The following SORCS2 variants were observed in gnomAD, a reference collection of about 807,000 sequenced individuals.
The protein encoded by SORCS2 is sortilin related VPS10 domain containing receptor 2, also known as VPS10 domain-containing receptor SorCS2.
Under a neutral mutation model 141.6 loss-of-function variants are expected in SORCS2, and 100 were observed. The ratio of observed to expected loss-of-function variants is 0.71; its 90% CI spans 0.60 to 0.83. The LOEUF is 0.83. Among genes scored for constraint, SORCS2 ranks in the 40% least tolerant of loss-of-function variants. The pLI is 0.00. For missense variants in SORCS2, 1,646 were observed against 1,560.2 expected (o/e 1.05, Z -0.93); for synonymous variants, 789 against 676.9 (o/e 1.17, Z -2.57).
At chr4:7,503,074 A>G (rs986375246) in intron 2 of SORCS2, among the ~76,000 whole-genome samples, 2 of 152,222 alleles carry the variant, frequency 1.3e-5, no homozygotes, top group Non-Finnish European at 2.9e-5. Context: ...CCGGGAGCAC[A>G]GGTGCACAGG....
At chr4:7,512,632 A>G (rs1305329014) in intron 2 of SORCS2, among the ~76,000 whole-genome samples, 1 of 151,940 alleles carries the variant, frequency 6.6e-6, no homozygotes, top group Non-Finnish European at 1.5e-5. Context: ...TTCAACAGGC[A>G]GGACAGCAGA....
chr4:7,627,891 C>T (rs149343334), intron 3 of SORCS2, among the ~76,000 whole-genome samples: 67 of 152,344 alleles, frequency 4.4e-4, no homozygotes, highest in Admixed American at 1.2e-3. Flanking sequence ...ACATAGTAGA[C>T]ACTGCAAGTA....
At chr4:7,258,461 C>T (rs142507947) in intron 1 of SORCS2, among the ~76,000 whole-genome samples, 1 of 152,190 alleles carries the variant, frequency 6.6e-6, no homozygotes, top group African/African-American at 2.4e-5. Flanking sequence ...CCATGTCCTG[C>T]AAAGGACATG....
chr4:7,200,760 C>T (rs967533601), intron 1 of SORCS2, among the ~76,000 whole-genome samples: 10 of 152,108 alleles, frequency 6.6e-5, no homozygotes, highest in Non-Finnish European at 1.3e-4. Flanking sequence ...CCTTTTTCCT[C>T]ATTTATCAAA....
chr4:7,342,147 C>T (rs1445358747), intron 1 of SORCS2, among the ~76,000 whole-genome samples: 5 of 152,152 alleles, frequency 3.3e-5, no homozygotes, highest in South Asian at 4.1e-4. Context: ...GGAAAGGCCT[C>T]GCCCATTCAA....
chr4:7,511,796 C>T (rs1225146273), intron 2 of SORCS2, among the ~76,000 whole-genome samples: 4 of 152,176 alleles, frequency 2.6e-5, no homozygotes, highest in Non-Finnish European at 5.9e-5. Context: ...CCCACCCAGA[C>T]GCTCAGATGC....
chr4:7,634,233 G>C (rs892275591), intron 3 of SORCS2, among the ~76,000 whole-genome samples: 7 of 152,202 alleles, frequency 4.6e-5, no homozygotes, highest in Admixed American at 4.6e-4. Flanking sequence ...AATTAGCCAG[G>C]CATGGTGGCG....
rs1310153485 is a variant in SORCS2 at position 7,531,613 on chromosome 4, C to T, written c.632C>T (p.Pro211Leu). 9 of 1,613,596 alleles carry T rather than the reference C, an allele frequency of 5.6e-6. No individual in the cohort carries two copies. Among genetic ancestry groups the T allele is most frequent in the South Asian group, 2.2e-5 (2 of 91,072 alleles). ...GTCATCGACAATTTCTACATCTGCC[C>T]GACCAACAAGAGGAAGGTAGGTGCT... ...TTVIDNFYIC[P>L]TNKRKVILVS... The change falls in exon 3 of 27, where the codon CCG becomes CTG. Residue 211 changes from proline to leucine, a missense_variant. Transcript: ENST00000507866.
chr4:7,464,984 C>T (rs1318850084), intron 2 of SORCS2, among the ~76,000 whole-genome samples: 8 of 152,260 alleles, frequency 5.3e-5, no homozygotes, highest in Non-Finnish European at 1.2e-4. Context: ...GTGTCCTGAC[C>T]TTTGCCCTAA....
At chr4:7,727,085 C>T (rs779209980) in intron 21 of SORCS2, among the ~76,000 whole-genome samples, 182 bp downstream of exon 21, 12 of 152,300 alleles carry the variant, frequency 7.9e-5, no homozygotes, top group South Asian at 2.1e-4. Context: ...CAAAGTCTCC[C>T]GGTCTCTCTG....
intron 1 of SORCS2, among the ~76,000 whole-genome samples, chr4:7,328,018 CTTTTTTTTTTTT>C (rs60976971): frequency 5.6e-5 from 5 of 88,698 alleles, no homozygotes; most frequent in Admixed American, 1.3e-4. Flanking sequence ...TCGTGCTAGG[CTTTTTTTTTTTT>C]TTTTTTTTTT....
chr4:7,593,636 C>T (rs560014640), intron 3 of SORCS2, among the ~76,000 whole-genome samples: 181 of 151,946 alleles, frequency 1.2e-3, no homozygotes, highest in Non-Finnish European at 2.3e-3. Context: ...AGAGCCCAGC[C>T]GAAACCTGGC....
At chr4:7,376,470 C>T (rs868804981) in intron 1 of SORCS2, among the ~76,000 whole-genome samples, 11 of 151,960 alleles carry the variant, frequency 7.2e-5, no homozygotes, top group African/African-American at 2.2e-4. Flanking sequence ...CCAGCTACTC[C>T]GGAGGCTGAG....
intron 1 of SORCS2, among the ~76,000 whole-genome samples, chr4:7,340,878 G>A (rs1720331556): frequency 6.6e-6 from 1 of 152,206 alleles, no homozygotes; most frequent in Admixed American, 6.5e-5. Context: ...ATTGGCAAGG[G>A]TGGCTCTAGG....
At position 7,740,285 on chromosome 4, in the gene SORCS2, T is replaced by C. The variant is rs762008306; in HGVS notation, c.*21T>C. The C allele has an allele frequency of 2.5e-6, 4 of 1,605,916 alleles. No individual in the cohort carries two copies. Among genetic ancestry groups the C allele is most frequent in the Admixed American group, 3.3e-5 (2 of 59,800 alleles). ...GCTGATGCCACCCCAGCATCTGTCT[T>C]TTCACCCACGGAGGGCACAGAACCA... On this transcript the variant is annotated 3_prime_UTR_variant, in exon 27 of 27. Coordinates refer to ENST00000507866, the MANE Select transcript of SORCS2 (RefSeq NM_020777.3).
chr4:7,335,478 G>A (rs1719924338), intron 1 of SORCS2, among the ~76,000 whole-genome samples: 2 of 152,298 alleles, frequency 1.3e-5, no homozygotes, highest in Admixed American at 6.5e-5. Context: ...TTCCCAGGAC[G>A]CCTTTTCTTT....
chr4:7,670,147 G>T (rs1722713713), intron 8 of SORCS2, among the ~76,000 whole-genome samples: 1 of 152,152 alleles, frequency 6.6e-6, no homozygotes, highest in Non-Finnish European at 1.5e-5. Flanking sequence ...AAACAAAGTT[G>T]GAATAGATCA....
At chr4:7,378,513 A>G (rs1239533858) in intron 1 of SORCS2, among the ~76,000 whole-genome samples, 2 of 152,198 alleles carry the variant, frequency 1.3e-5, no homozygotes, top group Non-Finnish European at 2.9e-5. Flanking sequence ...AGCCCTTTAT[A>G]AAACCCTCAG....
chr4:7,282,960 A>C (rs188514306), intron 1 of SORCS2, among the ~76,000 whole-genome samples: 25 of 152,306 alleles, frequency 1.6e-4, no homozygotes, highest in African/African-American at 3.8e-4. Context: ...CACACTCATT[A>C]ATTCATTCAT....
Sources: gnomAD v4.1 joint callset for allele counts (sites outside exome capture counted in the v4.1 genomes callset) on GRCh38, gnomAD v4.1.1 for gene constraint, MANE v1.5 for transcripts, NCBI Gene and HGNC (gene_info 2026-07-23, HGNC 2026-07-21) for gene names.